Variants in HDX observed in about 807,000 individuals in gnomAD.
The protein encoded by HDX is chromosome X open reading frame 43.
Under a neutral mutation model 45.2 loss-of-function variants are expected in HDX, and 19 were observed. That is an observed-to-expected ratio of 0.42 (90% CI 0.29 to 0.62). The LOEUF is 0.62. Among genes scored for constraint, HDX ranks in the 20% least tolerant of loss-of-function variants. HDX has a pLI of 0.20. For missense variants in HDX, 532 were observed against 493.9 expected, an observed-to-expected ratio of 1.08 and a Z score of -0.73; for synonymous variants, 188 against 172.8, an observed-to-expected ratio of 1.09 and a Z score of -0.69.
chrX:84,388,842 C>A (rs2038378920), intron 5 of HDX, among the ~76,000 whole-genome samples: 1 of 111,752 alleles, frequency 8.9e-6, no homozygotes, highest in African/African-American at 3.3e-5. Context: ...TGCTGGGGAG[C>A]TAGTGGGTAA....
chrX:84,452,916 AT>A (rs1569351503), intron 4 of HDX, among the ~76,000 whole-genome samples: 2 of 112,192 alleles, frequency 1.8e-5, no homozygotes, highest in African/African-American at 6.5e-5. Context: ...GTAGACAAAG[AT>A]TTTATGGCTA....
At chrX:84,404,969 A>T (rs886103532) in intron 5 of HDX, among the ~76,000 whole-genome samples, 1 of 111,467 alleles carries the variant, frequency 9.0e-6, no homozygotes, top group Non-Finnish European at 1.9e-5. Context: ...TATACATTGT[A>T]TGAAAATTTT....
intron 6 of HDX, among the ~76,000 whole-genome samples, chrX:84,353,330 G>A (rs1039830287): frequency 9.0e-6 from 1 of 111,067 alleles, no homozygotes; most frequent in Non-Finnish European, 1.9e-5. Context: ...CAAGGTACTA[G>A]TGTTAAAAGG....
chrX:84,436,370 T>C (rs754771127), intron 5 of HDX, among the ~76,000 whole-genome samples: 12 of 108,854 alleles, frequency 1.1e-4, no homozygotes, highest in African/African-American at 4.0e-4. Flanking sequence ...ATGGCACATG[T>C]ACCCTAAAAC....
At chrX:84,358,778 A>C (rs1308731177) in intron 6 of HDX, among the ~76,000 whole-genome samples, 1 of 111,873 alleles carries the variant, frequency 8.9e-6, no homozygotes, top group Non-Finnish European at 1.9e-5. Context: ...TCCTGGCTGC[A>C]CTTGAACTCT....
intron 5 of HDX, among the ~76,000 whole-genome samples, chrX:84,407,657 G>A (rs2038864811): frequency 9.0e-6 from 1 of 111,436 alleles, no homozygotes. Context: ...CAATGGCTGA[G>A]CTAATTTACA....
intron 4 of HDX, among the ~76,000 whole-genome samples, chrX:84,462,898 C>G (rs1367508904): frequency 1.8e-5 from 2 of 110,810 alleles, no homozygotes; most frequent in African/African-American, 3.3e-5. Context: ...TTAAAAACAT[C>G]ATACTAATTG....
chrX:84,331,728 A>G (rs914957583), intron 9 of HDX, among the ~76,000 whole-genome samples: 47 of 111,708 alleles, frequency 4.2e-4, no homozygotes, highest in African/African-American at 1.5e-3. Context: ...ATCATAGTAC[A>G]ATGCATTAAC....
intron 4 of HDX, among the ~76,000 whole-genome samples, chrX:84,450,042 A>T (rs1569349811): frequency 9.0e-6 from 1 of 110,919 alleles, no homozygotes; most frequent in Non-Finnish European, 1.9e-5. Flanking sequence ...CCAACATGGC[A>T]CATGTATACA....
intron 5 of HDX, among the ~76,000 whole-genome samples, chrX:84,424,155 A>G (rs2039332377): frequency 8.9e-6 from 1 of 111,777 alleles, no homozygotes; most frequent in Admixed American, 9.5e-5. Context: ...AAAAATCGGT[A>G]GCATTTCTAA....
intron 4 of HDX, among the ~76,000 whole-genome samples, chrX:84,457,274 A>AT (rs1361602922): frequency 4.5e-5 from 5 of 111,711 alleles, no homozygotes; most frequent in African/African-American, 1.6e-4. Flanking sequence ...ATGGTTTACG[A>AT]TTTTTTAAAA....
At chrX:84,365,464 C>T (rs143387505) in intron 5 of HDX, among the ~76,000 whole-genome samples, 12,341 of 110,656 alleles carry the variant, frequency 0.11, 636 homozygotes, top group East Asian at 0.28. Flanking sequence ...CACTTAGGAA[C>T]AGAGTAAACA....
At chrX:84,390,852 G>A (rs925650359) in intron 5 of HDX, among the ~76,000 whole-genome samples, 1 of 111,722 alleles carries the variant, frequency 9.0e-6, no homozygotes, top group Non-Finnish European at 1.9e-5. Context: ...ATAATATTTT[G>A]CATACTTATG....
At chrX:84,379,743 A>G (rs1454551978) in intron 5 of HDX, among the ~76,000 whole-genome samples, 3 of 110,909 alleles carry the variant, frequency 2.7e-5, no homozygotes, top group African/African-American at 9.8e-5. Flanking sequence ...CTAAGAGTTT[A>G]TGGCTATAAT....
chrX:84,451,726 A>C (rs751994972), intron 4 of HDX, among the ~76,000 whole-genome samples: 66 of 111,340 alleles, frequency 5.9e-4, no homozygotes, highest in Non-Finnish European at 8.7e-4. Flanking sequence ...GCAAAAAAAA[A>C]CAAATATTTT....
chrX:84,363,120 G>A (rs2037662640), intron 5 of HDX, among the ~76,000 whole-genome samples: 1 of 111,614 alleles, frequency 9.0e-6, no homozygotes, highest in Non-Finnish European at 1.9e-5. Context: ...AACAGTTATT[G>A]TAAGTACTAA....
intron 5 of HDX, among the ~76,000 whole-genome samples, chrX:84,410,973 T>C (rs1226227433): frequency 1.8e-5 from 2 of 111,835 alleles, no homozygotes; most frequent in African/African-American, 6.5e-5. Flanking sequence ...CATAATAGTC[T>C]CTGAGGGTTT....
chrX:84,362,661 C>T (rs751498630), intron 5 of HDX, among the ~76,000 whole-genome samples: 3 of 110,577 alleles, frequency 2.7e-5, no homozygotes, highest in Non-Finnish European at 3.8e-5. Context: ...GGTTCTGTTG[C>T]GTTCTTCTGC....
At chrX:84,485,353 C>A (rs965915393) in intron 2 of HDX, among the ~76,000 whole-genome samples, 2 of 111,904 alleles carry the variant, frequency 1.8e-5, no homozygotes, top group Non-Finnish European at 3.8e-5. Context: ...TAATCTCCAT[C>A]TATAACTGTG....
Sources: gnomAD v4.1 joint callset for allele counts (sites outside exome capture counted in the v4.1 genomes callset) on GRCh38, gnomAD v4.1.1 for gene constraint, MANE v1.5 for transcripts, NCBI Gene and HGNC (gene_info 2026-07-23, HGNC 2026-07-21) for gene names.